ADGB: variants seen among roughly 807,000 people sequenced by gnomAD.
ADGB encodes the protein calpain-7-like protein.
In ADGB, 172 loss-of-function variants were observed where a neutral mutation model predicts 210.5. The observed-to-expected ratio is 0.82, with a 90% CI of 0.72 to 0.93. The LOEUF is 0.93. Among genes scored for constraint, ADGB ranks in the 40% least tolerant of loss-of-function variants. ADGB has a pLI of 0.00. For missense variants in ADGB, 2,025 were observed against 1,964.8 expected, an observed-to-expected ratio of 1.03 and a Z score of -0.58; for synonymous variants, 658 against 662.7, an observed-to-expected ratio of 0.99 and a Z score of 0.11.
At chr6:146,747,263 T>C (rs149638841) in intron 26 of ADGB, among the ~76,000 whole-genome samples, 1 of 152,304 alleles carries the variant, frequency 6.6e-6, no homozygotes, top group African/African-American at 2.4e-5. Context: ...ATTTGGAAAA[T>C]ATGTGTATTC....
intron 16 of ADGB, among the ~76,000 whole-genome samples, chr6:146,717,975 A>AT (rs1346384976): frequency 1.3e-5 from 2 of 152,172 alleles, no homozygotes; most frequent in South Asian, 2.1e-4. Flanking sequence ...TTATGCCTGC[A>AT]TTTTTTCCCC....
chr6:146,728,038 A>G (rs1776923039), intron 19 of ADGB, among the ~76,000 whole-genome samples: 1 of 152,178 alleles, frequency 6.6e-6, no homozygotes, highest in Non-Finnish European at 1.5e-5. Flanking sequence ...AGGCAACTCC[A>G]GGACCACCCA....
intron 1 of ADGB, among the ~76,000 whole-genome samples, chr6:146,629,091 G>T (rs543425690): frequency 6.6e-6 from 1 of 151,956 alleles, no homozygotes; most frequent in Non-Finnish European, 1.5e-5. Context: ...TAAAAGTATA[G>T]GGTTAAAGGC....
At chr6:146,635,715 G>A (rs1308033198) in intron 2 of ADGB, among the ~76,000 whole-genome samples, 178 bp downstream of exon 2, 1 of 151,890 alleles carries the variant, frequency 6.6e-6, no homozygotes, top group African/African-American at 2.4e-5. Flanking sequence ...CCAAGCCTTA[G>A]TCCTGAGCTT....
At chr6:146,644,421 A>T (rs1775575012) in intron 2 of ADGB, among the ~76,000 whole-genome samples, 1 of 151,884 alleles carries the variant, frequency 6.6e-6, no homozygotes, top group Non-Finnish European at 1.5e-5. Flanking sequence ...AATTTTTTCA[A>T]TGGAGAATGT....
chr6:146,685,725 GT>G lies in ADGB; in HGVS notation c.1217-5del. ...AATTTTCACAACATAATGTATGTTT[GT>G]TTTACAGGTTCTTCTGCAATACAGA... On this transcript the variant is annotated splice_region_variant and splice_polypyrimidine_tract_variant and intron_variant, in intron 9 of 35. Coordinates refer to ENST00000397944, the MANE Select transcript of ADGB (RefSeq NM_024694.4). 1 of 1,476,704 alleles carries G rather than the reference GT, an allele frequency of 6.8e-7. No individual in the cohort carries two copies. The allele number at this position is 1,476,704 out of a possible 1,614,324, so 91.5% of individuals were successfully genotyped here.
chr6:146,599,443 C>G (rs1427406244), intron 1 of ADGB, among the ~76,000 whole-genome samples: 2 of 152,110 alleles, frequency 1.3e-5, no homozygotes, highest in Non-Finnish European at 2.9e-5. Context: ...AGGCATATCT[C>G]AAATACTTCT....
At chr6:146,664,464 G>A (rs1775911707) in intron 6 of ADGB, 124 bp downstream of exon 6, 4 of 1,001,724 alleles carry the variant, frequency 4.0e-6, no homozygotes, top group East Asian at 5.6e-5. Context: ...CCTAAACAAT[G>A]TAATGCTCTA....
chr6:146,664,258 C>G lies in ADGB; in HGVS notation c.670C>G (p.Leu224Val). 6.5e-7 allele frequency: 1 copy of G among 1,549,706 alleles called. No individual in the cohort carries two copies. The highest frequency in any genetic ancestry group is 8.7e-7 in the Non-Finnish European group (1 of 1,145,892). The change falls in exon 6 of 36, where the codon CTA (leucine) becomes GTA (valine). Residue 224 changes from leucine (L) to valine (V), a missense_variant. Transcript: ENST00000397944. ...DFLPFDEDNNLLLPATTYEFE... is the reference protein window; with the variant it reads ...DFLPFDEDNNVLLPATTYEFE... Reference sequence around the variant, plus strand: ...TTTGCCTTTTGATGAAGATAACAATCTATTGCTTCCAGCTACAACTTATGA... The same window carrying G: ...TTTGCCTTTTGATGAAGATAACAATGTATTGCTTCCAGCTACAACTTATGA...
At chr6:146,662,374 G>A (rs1181508622) in intron 5 of ADGB, among the ~76,000 whole-genome samples, 5 of 151,980 alleles carry the variant, frequency 3.3e-5, no homozygotes, top group Non-Finnish European at 7.4e-5. Flanking sequence ...CTAATGTCCA[G>A]TTCACTAATT....
intron 16 of ADGB, 136 bp downstream of exon 16, chr6:146,717,735 T>C: frequency 2.2e-6 from 1 of 459,870 alleles, no homozygotes; most frequent in Middle Eastern, 6.0e-4. Context: ...TTTTAGAGTC[T>C]CTCACTAATC....
At chr6:146,801,346 T>C (rs1427079545) in intron 34 of ADGB, 67 bp downstream of exon 34, 1 of 1,018,244 alleles carries the variant, frequency 9.8e-7, no homozygotes, top group East Asian at 3.1e-5. Context: ...ATTAAAATAC[T>C]TAAATGTTTT....
chr6:146,767,364 C>A (rs74472140), intron 28 of ADGB, among the ~76,000 whole-genome samples: 1 of 152,164 alleles, frequency 6.6e-6, no homozygotes, highest in East Asian at 1.9e-4. Context: ...GAGATTTTGG[C>A]AAGATTGCCA....
chr6:146,609,351 T>C (rs1780673827), intron 1 of ADGB, among the ~76,000 whole-genome samples: 1 of 152,156 alleles, frequency 6.6e-6, no homozygotes, highest in Admixed American at 6.5e-5. Context: ...GCCTTTTAAG[T>C]GGGGTGTTTA....
chr6:146,659,840 T>C (rs1481902108), intron 5 of ADGB, among the ~76,000 whole-genome samples: 1 of 152,158 alleles, frequency 6.6e-6, no homozygotes, highest in Non-Finnish European at 1.5e-5. Context: ...AGGTTAGCCA[T>C]TGCTCTCCGC....
In ADGB at chr6:146,741,004, C is replaced by T. The variant is rs1222070230; in HGVS notation, c.3024-114C>T. 9.5e-6 allele frequency: 7 copies of T among 740,642 alleles called. No homozygotes were observed. The African/African-American group carries it at 1.3e-4, about 14-fold the overall frequency. 45.9% of individuals were successfully genotyped at this position (740,642 alleles called of 1,614,324 possible). A position where few individuals can be genotyped will look rare whatever the true frequency, so the allele number is the denominator to read the frequency against. On this transcript the variant is annotated intron_variant, in intron 24 of 35. Transcript: ENST00000397944. ...TTTTAAAAGAAAATAATATGTGTGCCTTTTAGTTATTTGGAACTTTGGATT... is the reference window on the plus strand; with the variant it reads ...TTTTAAAAGAAAATAATATGTGTGCTTTTTAGTTATTTGGAACTTTGGATT...
chr6:146,693,253 T>G (rs541713154), intron 12 of ADGB, among the ~76,000 whole-genome samples: 1 of 152,052 alleles, frequency 6.6e-6, no homozygotes, highest in South Asian at 2.1e-4. Flanking sequence ...GTGAAATGAG[T>G]GATAAGGCAG....
At chr6:146,655,689 TA>T (rs1775769474) in intron 4 of ADGB, among the ~76,000 whole-genome samples, 1 of 152,194 alleles carries the variant, frequency 6.6e-6, no homozygotes, top group South Asian at 2.1e-4. Context: ...TGTTTTAGTA[TA>T]AAATACACCT....
rs180981222 is a variant in ADGB at position 146,739,867 on chromosome 6, T to C, written c.2889-592T>C. Among the ~76,000 whole-genome samples, 3 of 152,318 alleles carry C rather than the reference T, an allele frequency of 2.0e-5. No individual in the cohort carries two copies. In the East Asian group the frequency reaches 5.8e-4, roughly 29 times the overall value. Reference sequence around the variant, plus strand: ...ATCACTCCCATTATGTTCTGGAATATGTCACAGCCTTCCAGGGGGAAAACG... The same window carrying C: ...ATCACTCCCATTATGTTCTGGAATACGTCACAGCCTTCCAGGGGGAAAACG... On this transcript the variant is annotated intron_variant, in intron 23 of 35. Transcript: ENST00000397944.
Sources: allele counts gnomAD v4.1 joint callset (sites outside exome capture counted in the v4.1 genomes callset), GRCh38; gene constraint gnomAD v4.1.1; transcripts MANE v1.5; gene names NCBI Gene and HGNC (gene_info 2026-07-23, HGNC 2026-07-21).